GLIS3: variants seen among roughly 807,000 people sequenced by gnomAD.
GLIS3 encodes the protein GLIS family zinc finger 3.
In GLIS3, 53 loss-of-function variants were observed where a neutral mutation model predicts 78.6. The observed-to-expected ratio is 0.67, with a 90% CI of 0.54 to 0.85. The LOEUF is 0.85. Ranked by LOEUF, GLIS3 falls within the 40% of genes least tolerant of loss-of-function variation. The pLI is 0.00. For synonymous variants in GLIS3, 684 were observed against 509.9 expected (o/e 1.34, Z -4.60); for missense variants, 1,703 against 1,231.1 (o/e 1.38, Z -5.74).
At chr9:4,238,363 G>A (rs1053308361) in intron 2 of GLIS3, among the ~76,000 whole-genome samples, 10 of 152,132 alleles carry the variant, frequency 6.6e-5, no homozygotes, top group Admixed American at 1.3e-4. Context: ...GAATATGACC[G>A]TGAATATACT....
At position 3,828,380 on chromosome 9, in the gene GLIS3, G is replaced by T. The variant is rs1031289713; in HGVS notation, c.2685C>A (p.Ser895Arg). 1.2e-6 allele frequency: 2 copies of T among 1,613,590 alleles called. No homozygotes were observed. Among genetic ancestry groups the T allele is most frequent in the Non-Finnish European group, 1.7e-6 (2 of 1,180,016 alleles). Residue 895 changes from serine (S) to arginine (R), a missense_variant, in exon 11 of 11, where the codon AGC becomes AGA. Physicochemically the swap from Ser to Arg is moderately radical, Grantham distance 110. Transcript: ENST00000381971. ...TVYDLPSSSS[S>R]LFGESLRSGA... ...CGCTGCGGAGAGACTCCCCAAAGAG[G>T]CTCGAGGAACTTGAAGGTAAATCAT... is the stretch of plus-strand genomic sequence containing the variant.
chr9:3,824,978 T>G lies in GLIS3; in HGVS notation c.*3294A>C, dbSNP rs1446771901. ...CCACACCACTAACAAAAAGTGCTAT[T>G]TAAAAATGCTTCCATAAAATGACAT... On this transcript the variant is annotated 3_prime_UTR_variant, in exon 11 of 11. Coordinates refer to ENST00000381971, the MANE Select transcript of GLIS3 (RefSeq NM_001042413.2). 6.6e-6 allele frequency: 1 copy of G among 150,420 alleles called. No homozygotes were observed. The highest frequency in any genetic ancestry group is 2.4e-5 in the African/African-American group (1 of 41,020). The allele number at this position is 150,420 out of a possible 1,614,324, so 9.3% of individuals were successfully genotyped here. A position where few individuals can be genotyped will look rare whatever the true frequency, so the allele number is the denominator to read the frequency against.
At chr9:4,442,251 A>G in the GLIS3 span, among the ~76,000 whole-genome samples, 14 of 151,942 alleles carry the variant, frequency 9.2e-5, no homozygotes, top group East Asian at 1.9e-4. Flanking sequence ...ATTGTTCATA[A>G]TTGTCTGTTA....
chr9:4,388,469 G>C, the GLIS3 span, among the ~76,000 whole-genome samples: 1 of 152,000 alleles, frequency 6.6e-6, no homozygotes, highest in East Asian at 1.9e-4. Context: ...ACGAGGTCAG[G>C]AGTTCGAGAG....
chr9:4,432,385 T>C, the GLIS3 span, among the ~76,000 whole-genome samples: 1 of 152,128 alleles, frequency 6.6e-6, no homozygotes, highest in Non-Finnish European at 1.5e-5. Flanking sequence ...TGAGCAAATG[T>C]ATAGCAGCAA....
chr9:4,355,728 G>A, the GLIS3 span, among the ~76,000 whole-genome samples: 1 of 152,084 alleles, frequency 6.6e-6, no homozygotes, highest in African/African-American at 2.4e-5. Context: ...AGCAGCAGCT[G>A]GAATGAGAGC....
Position 4,090,346 on chromosome 9 carries a change from G to A in GLIS3, c.1710+27422C>T, listed in dbSNP as rs994524846. On this transcript the variant is annotated intron_variant, in intron 4 of 10. Coordinates refer to ENST00000381971, the MANE Select transcript of GLIS3 (RefSeq NM_001042413.2). ...AAAAGCCCTTGAATTCATTCATCTC[G>A]AGGATCTAAAACTGATTCACGCTCA... is the stretch of plus-strand genomic sequence containing the variant. Among the ~76,000 whole-genome samples the A allele has an allele frequency of 6.6e-5, 10 of 152,032 alleles. No homozygotes were observed. The South Asian group carries it at 1.0e-3, about 16-fold the overall frequency.
chr9:4,474,985 A>AT, the GLIS3 span, among the ~76,000 whole-genome samples: 2,779 of 114,188 alleles, frequency 0.024, 268 homozygotes, highest in African/African-American at 0.051. Flanking sequence ...GACTATGTTA[A>AT]TTTTTTTTTC....
intron 4 of GLIS3, among the ~76,000 whole-genome samples, chr9:3,980,384 C>A (rs1819159180): frequency 6.6e-6 from 1 of 152,192 alleles, no homozygotes; most frequent in Non-Finnish European, 1.5e-5. Flanking sequence ...GGATTAAACT[C>A]CTTGTCTGCT....
intron 5 of GLIS3, among the ~76,000 whole-genome samples, chr9:3,933,276 A>G (rs961226234): frequency 1.3e-5 from 2 of 152,034 alleles, no homozygotes; most frequent in Non-Finnish European, 2.9e-5. Context: ...CCTGGGTTCA[A>G]GTGATTCCCC....
chr9:4,342,038 T>C (rs1267312948), intron 2 of GLIS3, among the ~76,000 whole-genome samples: 1 of 152,236 alleles, frequency 6.6e-6, no homozygotes, highest in Non-Finnish European at 1.5e-5. Flanking sequence ...TTTTCTCCCA[T>C]TCTGTAGTTT....
chr9:4,176,006 T>G (rs1586883931), intron 2 of GLIS3, among the ~76,000 whole-genome samples: 1 of 152,296 alleles, frequency 6.6e-6, no homozygotes, highest in East Asian at 1.9e-4. Context: ...TGATGAGTCC[T>G]GATTGAGCTC....
intron 8 of GLIS3, among the ~76,000 whole-genome samples, chr9:3,876,151 C>T (rs568317764): frequency 6.6e-6 from 1 of 152,120 alleles, no homozygotes; most frequent in Admixed American, 6.5e-5. Context: ...AAAATATTTA[C>T]AATGAATCTG....
chr9:3,861,112 T>C lies in GLIS3; in HGVS notation c.2298-4928A>G, dbSNP rs147348033. On this transcript the variant is annotated intron_variant, in intron 8 of 10. Coordinates refer to ENST00000381971, the MANE Select transcript of GLIS3 (RefSeq NM_001042413.2). ...TGATCAACACATGTTTATGGAATGA[T>C]CGATTGAATGTACATTTAAGGCATC... is the stretch of plus-strand genomic sequence containing the variant. 1.6e-3 allele frequency among the ~76,000 whole-genome samples: 242 copies of C among 152,312 alleles called. 1 individual carries two copies. Among genetic ancestry groups the C allele is most frequent in the African/African-American group, 5.8e-3 (241 of 41,572 alleles).
At chr9:4,385,964 G>C in the GLIS3 span, among the ~76,000 whole-genome samples, 1 of 152,092 alleles carries the variant, frequency 6.6e-6, no homozygotes, top group Non-Finnish European at 1.5e-5. Context: ...GAATGCTTCA[G>C]GACACAAAGA....
chr9:4,111,460 C>T (rs1017115325), intron 4 of GLIS3, among the ~76,000 whole-genome samples: 4 of 152,188 alleles, frequency 2.6e-5, no homozygotes, highest in Non-Finnish European at 5.9e-5. Context: ...CCCAGGTAAA[C>T]TGAATTAAAT....
chr9:4,365,549 C>G, the GLIS3 span, among the ~76,000 whole-genome samples: 72 of 151,118 alleles, frequency 4.8e-4, no homozygotes, highest in African/African-American at 1.6e-3. Context: ...GAGTGAGACT[C>G]CATCTCAAAA....
the GLIS3 span, among the ~76,000 whole-genome samples, chr9:4,353,928 C>A: frequency 6.6e-6 from 1 of 151,928 alleles, no homozygotes; most frequent in South Asian, 2.1e-4. Flanking sequence ...CCCAGGTTCA[C>A]GCCATTCTCC....
At chr9:4,366,162 A>C in the GLIS3 span, among the ~76,000 whole-genome samples, 2 of 152,228 alleles carry the variant, frequency 1.3e-5, no homozygotes, top group Non-Finnish European at 2.9e-5. Context: ...AATTAACTTT[A>C]ACCGTCCTTA....
Sources: allele counts gnomAD v4.1 joint callset (sites outside exome capture counted in the v4.1 genomes callset), GRCh38; gene constraint gnomAD v4.1.1; transcripts MANE v1.5; gene names NCBI Gene and HGNC (gene_info 2026-07-23, HGNC 2026-07-21).